Variants in WWOX observed in about 807,000 individuals in gnomAD.
WWOX encodes the protein WW domain containing oxidoreductase, also known as WW domain-containing oxidoreductase.
WWOX carries 69 observed loss-of-function variants against 46.2 expected under a neutral mutation model. The ratio of observed to expected loss-of-function variants is 1.49; its 90% confidence interval spans 1.23 to 1.82. The LOEUF is 1.82. WWOX is among the 40% of genes most tolerant of loss of function. WWOX has a pLI of 0.00. For missense variants in WWOX, 919 were observed against 542.6 expected, an observed-to-expected ratio of 1.69 and a Z score of -6.89; for synonymous variants, 359 against 202.6, an observed-to-expected ratio of 1.77 and a Z score of -6.56.
chr16:78,398,209 A>G (rs1291556120), intron 6 of WWOX, among the ~76,000 whole-genome samples: 1 of 152,120 alleles, frequency 6.6e-6, no homozygotes, highest in African/African-American at 2.4e-5. Flanking sequence ...CTGCTATCTG[A>G]CCTGCAAATA....
intron 8 of WWOX, among the ~76,000 whole-genome samples, chr16:78,545,693 C>T (rs554915556): frequency 2.6e-5 from 4 of 152,278 alleles, no homozygotes; most frequent in South Asian, 2.1e-4. Flanking sequence ...ATACCACCCA[C>T]TGGGGATATT....
intron 8 of WWOX, among the ~76,000 whole-genome samples, chr16:78,609,871 T>C (rs527678876): frequency 6.6e-6 from 1 of 152,330 alleles, no homozygotes; most frequent in Admixed American, 6.5e-5. Context: ...AATTTCAACC[T>C]TTTCTTGCTT....
At chr16:79,183,791 C>G (rs13334956) in intron 8 of WWOX, among the ~76,000 whole-genome samples, 1,544 of 152,268 alleles carry the variant, frequency 0.01, 28 homozygotes, top group African/African-American at 0.034. Context: ...CCCTAGGTCC[C>G]AGAGCTGGAA....
intron 5 of WWOX, among the ~76,000 whole-genome samples, chr16:78,385,984 A>G (rs758218202): frequency 6.6e-6 from 1 of 152,190 alleles, no homozygotes; most frequent in Non-Finnish European, 1.5e-5. Flanking sequence ...GTCCTTGCAG[A>G]ATGATGCCAT....
chr16:78,864,677 G>A (rs1305683029), intron 8 of WWOX, among the ~76,000 whole-genome samples: 1 of 151,346 alleles, frequency 6.6e-6, no homozygotes, highest in Non-Finnish European at 1.5e-5. Flanking sequence ...TGTTAGCACA[G>A]GGTCTGACAC....
In WWOX at chr16:78,491,575, A is replaced by T. The variant is rs148403351; in HGVS notation, c.1056+58823A>T. ...CCTCCCAGGTTCAAGTGATCCTCCTACCTCAGCCTCCTGAGTAGCTGGGAC... is the reference window on the plus strand; with the variant it reads ...CCTCCCAGGTTCAAGTGATCCTCCTTCCTCAGCCTCCTGAGTAGCTGGGAC... On this transcript the variant is annotated intron_variant, in intron 8 of 8. Coordinates refer to ENST00000566780, the MANE Select transcript of WWOX (RefSeq NM_016373.4). Among the ~76,000 whole-genome samples, 937 of 151,996 alleles carry T rather than the reference A, an allele frequency of 6.2e-3. 9 individuals are homozygous for T. The highest frequency in any genetic ancestry group is 0.012 in the South Asian group (58 of 4,810).
intron 8 of WWOX, among the ~76,000 whole-genome samples, chr16:79,068,858 A>G (rs2048493612): frequency 6.7e-6 from 1 of 148,832 alleles, no homozygotes; most frequent in Non-Finnish European, 1.5e-5. Context: ...AATAATAATA[A>G]TAATAAAGAA....
At chr16:79,019,839 C>T (rs1192727807) in intron 8 of WWOX, among the ~76,000 whole-genome samples, 1 of 152,154 alleles carries the variant, frequency 6.6e-6, no homozygotes, top group African/African-American at 2.4e-5. Flanking sequence ...TCATTTCAAC[C>T]TAGCTGGTGA....
At chr16:78,994,176 C>T (rs1479188716) in intron 8 of WWOX, among the ~76,000 whole-genome samples, 1 of 152,210 alleles carries the variant, frequency 6.6e-6, no homozygotes, top group Non-Finnish European at 1.5e-5. Context: ...AACTGCATCA[C>T]ATCGATTCTC....
chr16:78,579,449 G>C (rs994151434), intron 8 of WWOX, among the ~76,000 whole-genome samples: 1 of 152,150 alleles, frequency 6.6e-6, no homozygotes, highest in Admixed American at 6.5e-5. Flanking sequence ...GATCATGGGA[G>C]GGGAGGAGCG....
chr16:78,464,850 C>T (rs1316432506), intron 8 of WWOX, among the ~76,000 whole-genome samples: 1 of 152,178 alleles, frequency 6.6e-6, no homozygotes, highest in Non-Finnish European at 1.5e-5. Flanking sequence ...AGAAATAAAA[C>T]ATATTACTCC....
At chr16:79,020,878 C>G (rs1368841353) in intron 8 of WWOX, among the ~76,000 whole-genome samples, 4 of 152,028 alleles carry the variant, frequency 2.6e-5, no homozygotes, top group African/African-American at 9.7e-5. Context: ...AAGCAGGCAG[C>G]CTGCTGTTTA....
intron 8 of WWOX, among the ~76,000 whole-genome samples, chr16:78,572,224 G>C (rs921816029): frequency 3.9e-5 from 6 of 152,120 alleles, no homozygotes; most frequent in African/African-American, 1.2e-4. Context: ...TCCTGCATAG[G>C]AGATAGCAGT....
chr16:78,841,634 G>T (rs183028130), intron 8 of WWOX, among the ~76,000 whole-genome samples: 1 of 152,162 alleles, frequency 6.6e-6, no homozygotes, highest in Non-Finnish European at 1.5e-5. Context: ...AAACTCTGGC[G>T]AATTTTTTGT....
In WWOX at chr16:78,177,932, A is replaced by G. The variant is rs115466272; in HGVS notation, c.516+13643A>G. Among the ~76,000 whole-genome samples the G allele has an allele frequency of 4.5e-3, 692 of 152,354 alleles. 7 individuals carry two copies. The highest frequency in any genetic ancestry group is 0.016 in the African/African-American group (672 of 41,590). ...TTTAACGTCCATCCACGGAGCCTCA[A>G]AGGCTAAAAATAATCATCCCTTTCA... On this transcript the variant is annotated intron_variant, in intron 5 of 8. Transcript: ENST00000566780.
intron 8 of WWOX, among the ~76,000 whole-genome samples, chr16:79,172,284 C>G (rs1320809801): frequency 1.3e-5 from 2 of 152,176 alleles, no homozygotes; most frequent in African/African-American, 4.8e-5. Context: ...TGGCACTTGG[C>G]ACGTAGGAAT....
At chr16:78,917,702 G>A (rs2045284522) in intron 8 of WWOX, among the ~76,000 whole-genome samples, 1 of 152,040 alleles carries the variant, frequency 6.6e-6, no homozygotes, top group Non-Finnish European at 1.5e-5. Flanking sequence ...CTCGTGGGCA[G>A]GGACTGTATC....
chr16:78,413,344 G>T (rs369282716), intron 6 of WWOX, among the ~76,000 whole-genome samples: 1 of 152,184 alleles, frequency 6.6e-6, no homozygotes, highest in East Asian at 1.9e-4. Context: ...TTTCACCTGG[G>T]TGCAGGTGGG....
At chr16:79,205,252 A>G (rs1410444474) in intron 8 of WWOX, 1 of 152,100 alleles carries the variant, frequency 6.6e-6, no homozygotes, top group Non-Finnish European at 1.5e-5. Flanking sequence ...ATGGACTGGC[A>G]CTTTACTCTC....
Sources: gnomAD v4.1 joint callset for allele counts (sites outside exome capture counted in the v4.1 genomes callset) on GRCh38, gnomAD v4.1.1 for gene constraint, MANE v1.5 for transcripts, NCBI Gene and HGNC (gene_info 2026-07-23, HGNC 2026-07-21) for gene names.